PAM: variants seen among roughly 807,000 people sequenced by gnomAD.
PAM encodes peptidylglycine alpha-amidating monooxygenase.
Under a neutral mutation model 122.1 loss-of-function variants are expected in PAM, and 72 were observed. The ratio of observed to expected loss-of-function variants is 0.59; its 90% CI spans 0.49 to 0.72. The LOEUF is 0.72. Among genes scored for constraint, PAM ranks in the 30% least tolerant of loss-of-function variants. The pLI, the probability that PAM is intolerant of heterozygous loss-of-function variation, is 0.00. For missense variants in PAM, 1,106 were observed against 1,183.7 expected, an observed-to-expected ratio of 0.93 and a Z score of 0.96; for synonymous variants, 389 against 404.4, an observed-to-expected ratio of 0.96 and a Z score of 0.46.
At chr5:102,780,783 CTT>C (rs1284080181) in intron 1 of PAM, among the ~76,000 whole-genome samples, 1 of 137,774 alleles carries the variant, frequency 7.3e-6, no homozygotes, top group Non-Finnish European at 1.6e-5. Flanking sequence ...TTCTTTCTTT[CTT>C]TCTTTCTTTC....
intron 10 of PAM, 42 bp from the exon 11 acceptor site, chr5:102,949,860 T>C: frequency 1.9e-6 from 2 of 1,051,592 alleles, no homozygotes; most frequent in Non-Finnish European, 2.9e-6. Flanking sequence ...GTTTTTCTAA[T>C]ACCTTATTAT....
chr5:102,857,785 C>T (rs1055466495), intron 1 of PAM, among the ~76,000 whole-genome samples: 1 of 152,180 alleles, frequency 6.6e-6, no homozygotes, highest in Non-Finnish European at 1.5e-5. Context: ...CTGCTTAGTA[C>T]AATGCCTGGC....
chr5:102,878,795 C>T (rs550070152), intron 3 of PAM, among the ~76,000 whole-genome samples: 4 of 151,544 alleles, frequency 2.6e-5, no homozygotes, highest in Admixed American at 1.3e-4. Context: ...TATCTTTATA[C>T]ACTATGTAAT....
At position 102,962,888 on chromosome 5, in the gene PAM, AC is replaced by A. The variant is rs149312944; in HGVS notation, c.1162+1662del. Among the ~76,000 whole-genome samples, 56 of 151,978 alleles carry A rather than the reference AC, an allele frequency of 3.7e-4. No individual in the cohort carries two copies. In the East Asian group the frequency reaches 6.2e-3, roughly 17 times the overall value. On this transcript the variant is annotated intron_variant, in intron 14 of 25. Coordinates refer to ENST00000438793, the MANE Select transcript of PAM (RefSeq NM_001177306.2). ...TCTATATACCCAAATATACAAATATACCCAAACTCTTACTGGTCCCCGAGAA... is the reference window on the plus strand; with the variant it reads ...TCTATATACCCAAATATACAAATATACCAAACTCTTACTGGTCCCCGAGAA...
At chr5:102,779,950 T>G (rs1758273812) in intron 1 of PAM, among the ~76,000 whole-genome samples, 1 of 145,904 alleles carries the variant, frequency 6.9e-6, no homozygotes, top group Admixed American at 6.9e-5. Flanking sequence ...TATCTCCTAA[T>G]AGTTCTGACC....
At chr5:102,812,131 T>C (rs1768114080) in intron 1 of PAM, among the ~76,000 whole-genome samples, 1 of 152,176 alleles carries the variant, frequency 6.6e-6, no homozygotes, top group South Asian at 2.1e-4. Context: ...GATCTGGCAT[T>C]AAGCCATATG....
intron 4 of PAM, among the ~76,000 whole-genome samples, chr5:102,902,906 T>C (rs1798410380): frequency 6.6e-6 from 1 of 151,490 alleles, no homozygotes; most frequent in South Asian, 2.1e-4. Context: ...TAGTATATGA[T>C]TTTAGAACCA....
At chr5:102,812,335 C>T (rs1026949406) in intron 1 of PAM, among the ~76,000 whole-genome samples, 3 of 151,732 alleles carry the variant, frequency 2.0e-5, no homozygotes, top group South Asian at 2.1e-4. Flanking sequence ...CCACACAAAG[C>T]GTAAGATAAT....
At chr5:102,878,216 G>C (rs1789827813) in intron 3 of PAM, among the ~76,000 whole-genome samples, 1 of 151,920 alleles carries the variant, frequency 6.6e-6, no homozygotes, top group South Asian at 2.1e-4. Context: ...TATATATACA[G>C]TCATGTTCTT....
chr5:102,802,079 G>T (rs1227935147), intron 1 of PAM, among the ~76,000 whole-genome samples: 1 of 152,016 alleles, frequency 6.6e-6, no homozygotes, highest in African/African-American at 2.4e-5. Context: ...CACCGCGCCC[G>T]GCCGGGAAAA....
At chr5:102,915,137 C>T (rs1244841272) in intron 5 of PAM, among the ~76,000 whole-genome samples, 1 of 152,070 alleles carries the variant, frequency 6.6e-6, no homozygotes, top group Non-Finnish European at 1.5e-5. Context: ...CACTGTCACA[C>T]ATTTAATAGT....
rs1780237412 is a variant in PAM at position 103,010,313 on chromosome 5, G to C, written c.2331+447G>C. ...TTGCTATGACTGTGCTAAGCAACAA[G>C]ACTTGAAAATAGCACTTCCTGGAAT... On this transcript the variant is annotated intron_variant, in intron 21 of 25. Coordinates refer to ENST00000438793, the MANE Select transcript of PAM (RefSeq NM_001177306.2). Among the ~76,000 whole-genome samples, 2 of 152,202 alleles carry C rather than the reference G, an allele frequency of 1.3e-5. 1 individual carries two copies. The highest frequency in any genetic ancestry group is 4.8e-5 in the African/African-American group (2 of 41,458).
chr5:102,989,191 G>C (rs1203649584), intron 15 of PAM, among the ~76,000 whole-genome samples: 1 of 152,120 alleles, frequency 6.6e-6, no homozygotes, highest in Non-Finnish European at 1.5e-5. Flanking sequence ...TTATCCGTGA[G>C]CGTGTTTATA....
At chr5:102,910,783 T>C (rs150033117) in intron 4 of PAM, among the ~76,000 whole-genome samples, 2 of 151,958 alleles carry the variant, frequency 1.3e-5, no homozygotes, top group Non-Finnish European at 2.9e-5. Context: ...CTTGGATCCT[T>C]TATTTCTTTG....
intron 16 of PAM, among the ~76,000 whole-genome samples, chr5:102,991,188 C>G (rs565236282): frequency 6.6e-6 from 1 of 152,258 alleles, no homozygotes; most frequent in Non-Finnish European, 1.5e-5. Context: ...CAGTTGCTTC[C>G]CATCTAACTC....
downstream of PAM, chr5:103,030,469 A>G (rs909641008): frequency 5.9e-5 from 9 of 152,272 alleles, no homozygotes; most frequent in African/African-American, 2.2e-4. Context: ...TAATACAGAT[A>G]TAATTGACTA....
intron 12 of PAM, among the ~76,000 whole-genome samples, chr5:102,957,072 G>C (rs1033987373): frequency 6.6e-6 from 1 of 152,116 alleles, no homozygotes; most frequent in Admixed American, 6.6e-5. Context: ...TGGACAGATA[G>C]AAGGATATAG....
chr5:102,956,994 G>A (rs1388047290), intron 12 of PAM, among the ~76,000 whole-genome samples: 2 of 151,852 alleles, frequency 1.3e-5, no homozygotes, highest in African/African-American at 2.4e-5. Context: ...AGTATTAGTT[G>A]CTTCTTAAAT....
chr5:102,939,322 CT>C (rs1411272378), intron 7 of PAM, among the ~76,000 whole-genome samples: 1 of 151,968 alleles, frequency 6.6e-6, no homozygotes, highest in Non-Finnish European at 1.5e-5. Flanking sequence ...TTTCAAAACT[CT>C]TTCTTCTCAT....
Sources: gnomAD v4.1 joint callset for allele counts (sites outside exome capture counted in the v4.1 genomes callset) on GRCh38, gnomAD v4.1.1 for gene constraint, MANE v1.5 for transcripts, NCBI Gene and HGNC (gene_info 2026-07-23, HGNC 2026-07-21) for gene names.